ASIC2: variants seen among roughly 807,000 people sequenced by gnomAD.
ASIC2 encodes acid-sensing ion channel 2.
ASIC2 carries 25 observed loss-of-function variants against 57.3 expected under a neutral mutation model. The observed-to-expected ratio is 0.44, with a 90% CI of 0.32 to 0.61. The LOEUF is 0.61. ASIC2 is among the 20% of genes least tolerant of loss of function. The pLI is 0.06. For missense variants in ASIC2, 641 were observed against 738.1 expected, an observed-to-expected ratio of 0.87 and a Z score of 1.52; for synonymous variants, 319 against 307.5, an observed-to-expected ratio of 1.04 and a Z score of -0.39.
chr17:33,348,726 G>A (rs1490244673), intron 1 of ASIC2, among the ~76,000 whole-genome samples: 1 of 152,072 alleles, frequency 6.6e-6, no homozygotes, highest in Non-Finnish European at 1.5e-5. Context: ...ATAGGATTGG[G>A]CCTGTGAGTC....
intron 1 of ASIC2, among the ~76,000 whole-genome samples, chr17:33,956,992 TG>T (rs1442420989): frequency 6.6e-6 from 1 of 152,248 alleles, no homozygotes; most frequent in Non-Finnish European, 1.5e-5. Context: ...GCTGCTGCCC[TG>T]ACTGCTCACC....
At chr17:33,393,083 G>A (rs1183874530) in intron 1 of ASIC2, among the ~76,000 whole-genome samples, 3 of 151,894 alleles carry the variant, frequency 2.0e-5, no homozygotes, top group Admixed American at 2.0e-4. Flanking sequence ...TCACCTCCTG[G>A]CCAGCTCCTT....
chr17:33,797,356 T>C (rs1482835159), intron 1 of ASIC2, among the ~76,000 whole-genome samples: 1 of 151,798 alleles, frequency 6.6e-6, no homozygotes, highest in Non-Finnish European at 1.5e-5. Flanking sequence ...TAGCGAGGAG[T>C]GTGCACAGGG....
intron 1 of ASIC2, among the ~76,000 whole-genome samples, chr17:33,176,035 T>A (rs552302935): frequency 6.6e-6 from 1 of 152,322 alleles, no homozygotes; most frequent in South Asian, 2.1e-4. Flanking sequence ...CATATTCTTA[T>A]CCCCTGGCCT....
At chr17:33,750,340 G>A (rs549051064) in intron 1 of ASIC2, among the ~76,000 whole-genome samples, 4 of 152,168 alleles carry the variant, frequency 2.6e-5, no homozygotes, top group Non-Finnish European at 4.4e-5. Flanking sequence ...AGGGGGAAAC[G>A]GTGGTTCCTG....
At chr17:33,481,494 G>A (rs188971537) in intron 1 of ASIC2, among the ~76,000 whole-genome samples, 36 of 148,458 alleles carry the variant, frequency 2.4e-4, no homozygotes, top group African/African-American at 8.0e-4. Context: ...CCTCTGTGGG[G>A]AGGTTGCTCC....
upstream of ASIC2, among the ~76,000 whole-genome samples, chr17:33,294,903 G>A (rs984645886): frequency 2.0e-5 from 3 of 150,898 alleles, no homozygotes; most frequent in Admixed American, 1.3e-4. Context: ...CTGTACTGGG[G>A]CCTCTACCAA....
intron 1 of ASIC2, among the ~76,000 whole-genome samples, chr17:33,229,648 G>A (rs1908016093): frequency 6.6e-6 from 1 of 152,196 alleles, no homozygotes. Context: ...GACATGAAAC[G>A]GTACAGCTCA....
chr17:33,799,407 C>CTTTCTTTCTTTCTTTCTTTCTTTCT, intron 1 of ASIC2, among the ~76,000 whole-genome samples: 1 of 48,822 alleles, frequency 2.0e-5, no homozygotes, highest in African/African-American at 8.2e-5. Flanking sequence ...TCTTTCTTTT[C>CTTTCTTTCTTTCTTTCTTTCTTTCT]TTTCTTTCTT....
At chr17:33,395,588 C>A (rs1352491035) in intron 1 of ASIC2, among the ~76,000 whole-genome samples, 1 of 152,224 alleles carries the variant, frequency 6.6e-6, no homozygotes, top group Non-Finnish European at 1.5e-5. Context: ...CTATCACCAT[C>A]CATCTGTCCA....
intron 1 of ASIC2, among the ~76,000 whole-genome samples, chr17:33,472,687 C>T (rs553527403): frequency 4.6e-5 from 7 of 152,194 alleles, no homozygotes; most frequent in East Asian, 1.9e-4. Flanking sequence ...GATTACTCCA[C>T]GTTGGCTTCT....
At chr17:33,074,077 C>T (rs575663775) in intron 3 of ASIC2, among the ~76,000 whole-genome samples, 12 of 152,218 alleles carry the variant, frequency 7.9e-5, no homozygotes, top group Admixed American at 2.6e-4. Flanking sequence ...CTCTAGCCTC[C>T]GAGGCTCTCT....
Position 33,992,608 on chromosome 17 carries a change from A to G in ASIC2, c.555+163370T>C, listed in dbSNP as rs1039156105. Among the ~76,000 whole-genome samples, 12 of 152,340 alleles carry G rather than the reference A, an allele frequency of 7.9e-5. No individual in the cohort carries two copies. The South Asian group carries it at 1.7e-3, about 21-fold the overall frequency. On this transcript the variant is annotated intron_variant, in intron 1 of 9. Coordinates refer to the ASIC2 transcript ENST00000359872. The stretch of plus-strand genomic sequence containing the variant: ...AACTCACATTGGCTCGCAAAAGCCA[A>G]TTACCTGCATTTCTTCCAAACCCTG...
chr17:33,923,030 T>C (rs1915741506), intron 1 of ASIC2, among the ~76,000 whole-genome samples: 1 of 152,102 alleles, frequency 6.6e-6, no homozygotes, highest in Admixed American at 6.5e-5. Flanking sequence ...CTAGAGAGGT[T>C]TAGTGGGGAA....
At chr17:33,325,037 T>A (rs1907017504) in intron 1 of ASIC2, among the ~76,000 whole-genome samples, 1 of 152,194 alleles carries the variant, frequency 6.6e-6, no homozygotes, top group Non-Finnish European at 1.5e-5. Context: ...CTGTGCTTGA[T>A]GCTTTCCGCC....
chr17:33,379,935 G>A (rs1909420487), intron 1 of ASIC2, among the ~76,000 whole-genome samples: 1 of 152,144 alleles, frequency 6.6e-6, no homozygotes, highest in African/African-American at 2.4e-5. Context: ...TAGGTCCATA[G>A]TAGGAATTTG....
chr17:33,991,110 A>C (rs1393926544), intron 1 of ASIC2, among the ~76,000 whole-genome samples: 4 of 152,208 alleles, frequency 2.6e-5, no homozygotes, highest in African/African-American at 9.6e-5. Flanking sequence ...TAAAAACATC[A>C]ATCTGGATTT....
intron 1 of ASIC2, among the ~76,000 whole-genome samples, chr17:33,513,049 T>C (rs1020355005): frequency 1.3e-5 from 2 of 152,204 alleles, no homozygotes; most frequent in African/African-American, 4.8e-5. Context: ...TTATTGATCA[T>C]TCTACAAAGT....
At chr17:33,060,724 G>A (rs1463967825) in intron 3 of ASIC2, among the ~76,000 whole-genome samples, 3 of 152,154 alleles carry the variant, frequency 2.0e-5, no homozygotes, top group African/African-American at 7.2e-5. Context: ...TGATGGGGGT[G>A]CCATTGAATC....
Sources: allele counts gnomAD v4.1 joint callset (sites outside exome capture counted in the v4.1 genomes callset), GRCh38; gene constraint gnomAD v4.1.1; transcripts MANE v1.5; gene names NCBI Gene and HGNC (gene_info 2026-07-23, HGNC 2026-07-21).